Variants in LRRC17 observed in about 807,000 individuals in gnomAD.
LRRC17 encodes the protein leucine rich repeat containing 17.
A neutral mutation model predicts 41.5 loss-of-function variants in LRRC17; 33 were observed. The observed-to-expected ratio is 0.80, with a 90% CI of 0.60 to 1.06. The LOEUF (loss-of-function observed/expected upper bound fraction) is 1.06. Ranked by LOEUF, LRRC17 falls within the 50% of genes least tolerant of loss-of-function variation. The pLI is 0.00. For missense variants in LRRC17, 491 were observed against 519.3 expected (o/e 0.95, Z 0.53); for synonymous variants, 192 against 197.0 (o/e 0.97, Z 0.21).
chr7:102,914,083 C>T (rs1041958750), intron 1 of LRRC17, among the ~76,000 whole-genome samples: 5 of 152,116 alleles, frequency 3.3e-5, no homozygotes, highest in Non-Finnish European at 7.4e-5. Flanking sequence ...TTTTTTGAGA[C>T]GAAGTTTCGC....
chr7:102,931,324 T>C (rs975873885), intron 1 of LRRC17, among the ~76,000 whole-genome samples: 5 of 151,942 alleles, frequency 3.3e-5, no homozygotes, highest in African/African-American at 1.2e-4. Flanking sequence ...CAAGGTAGAG[T>C]AATATTAAAG....
intron 1 of LRRC17, among the ~76,000 whole-genome samples, chr7:102,915,521 C>A (rs1408053691): frequency 1.3e-5 from 2 of 152,038 alleles, no homozygotes; most frequent in Non-Finnish European, 2.9e-5. Flanking sequence ...TATTCAATTT[C>A]TTTAAATCCA....
Position 102,939,567 on chromosome 7 carries a change from A to AT in LRRC17, c.912dup (p.Glu305Ter). 6 of 1,613,674 alleles carry AT rather than the reference A, an allele frequency of 3.7e-6. No individual in the cohort carries two copies. The highest frequency in any genetic ancestry group is 5.1e-6 in the Non-Finnish European group (6 of 1,179,842). On this transcript the variant is annotated frameshift_variant, in exon 3 of 4. Transcript: ENST00000339431. LOFTEE classifies it high-confidence loss of function. ...GAAATTAAACCTCAGCAGCAATGGC[A>AT]TTGAATTCATCGATCCTGGTAAGTT...
At chr7:102,921,976 A>C (rs1817122529) in intron 1 of LRRC17, among the ~76,000 whole-genome samples, 1 of 152,116 alleles carries the variant, frequency 6.6e-6, no homozygotes, top group South Asian at 2.1e-4. Flanking sequence ...GGATCACTTG[A>C]GGTCAAGAGT....
At chr7:102,924,016 G>A (rs955533817) in intron 1 of LRRC17, among the ~76,000 whole-genome samples, 2 of 151,982 alleles carry the variant, frequency 1.3e-5, no homozygotes, top group African/African-American at 4.8e-5. Flanking sequence ...AAGGAGGGTG[G>A]ATCATCTAAG....
intron 1 of LRRC17, among the ~76,000 whole-genome samples, chr7:102,932,335 C>A (rs1046445339): frequency 6.6e-6 from 1 of 152,102 alleles, no homozygotes; most frequent in Non-Finnish European, 1.5e-5. Flanking sequence ...AAGAATTGTA[C>A]AATAAATATC....
At chr7:102,927,153 T>C (rs1818296951) in intron 1 of LRRC17, among the ~76,000 whole-genome samples, 1 of 152,230 alleles carries the variant, frequency 6.6e-6, no homozygotes, top group African/African-American at 2.4e-5. Flanking sequence ...TTGCAAGCTT[T>C]GACTGCAACA....
At chr7:102,928,656 TCCC>T in intron 1 of LRRC17, among the ~76,000 whole-genome samples, 1 of 152,306 alleles carries the variant, frequency 6.6e-6, no homozygotes, top group East Asian at 1.9e-4. Flanking sequence ...CAACTGAAGC[TCCC>T]TGAGGACAAG....
At chr7:102,923,609 T>A (rs1584957278) in intron 1 of LRRC17, among the ~76,000 whole-genome samples, 1 of 149,444 alleles carries the variant, frequency 6.7e-6, no homozygotes, top group Admixed American at 6.7e-5. Flanking sequence ...GATCACGAGG[T>A]CAGGAGTTCA....
chr7:102,932,012 C>A (rs1310940816), intron 1 of LRRC17: 5 of 1,291,076 alleles, frequency 3.9e-6, no homozygotes, highest in Non-Finnish European at 5.5e-6. Context: ...ACATTGAATG[C>A]AATGTATTCA....
At chr7:102,926,172 G>C (rs1818091862) in intron 1 of LRRC17, 4 of 854,718 alleles carry the variant, frequency 4.7e-6, no homozygotes, top group South Asian at 1.7e-5. Flanking sequence ...ACAGTGGTGG[G>C]GTGTTGATAA....
intron 3 of LRRC17, among the ~76,000 whole-genome samples, chr7:102,940,963 A>T (rs1224896275): frequency 6.6e-6 from 1 of 152,244 alleles, no homozygotes; most frequent in East Asian, 1.9e-4. Context: ...TCTTCATGAT[A>T]ATCTAATACC....
intron 1 of LRRC17, among the ~76,000 whole-genome samples, chr7:102,916,656 C>G (rs530650205): frequency 1.3e-5 from 2 of 152,254 alleles, no homozygotes; most frequent in South Asian, 4.1e-4. Flanking sequence ...GGCAAAGACG[C>G]GTGTCCCCTA....
At chr7:102,932,483 G>C (rs1021523219) in intron 1 of LRRC17, among the ~76,000 whole-genome samples, 1 of 9,198 alleles carries the variant, frequency 1.1e-4, no homozygotes, top group Non-Finnish European at 3.0e-4. Context: ...GCAGACACCA[G>C]TACACTTCCC....
intron 1 of LRRC17, among the ~76,000 whole-genome samples, chr7:102,920,859 G>GT (rs1244093605): frequency 6.6e-6 from 1 of 152,160 alleles, no homozygotes; most frequent in Non-Finnish European, 1.5e-5. Flanking sequence ...GTTGATAACA[G>GT]TTAAAAACTT....
At chr7:102,927,559 A>G (rs1340148144) in intron 1 of LRRC17, among the ~76,000 whole-genome samples, 1 of 152,216 alleles carries the variant, frequency 6.6e-6, no homozygotes, top group Non-Finnish European at 1.5e-5. Flanking sequence ...TCACACTCAG[A>G]TAGGAATTGG....
At chr7:102,922,291 T>A (rs1406670200) in intron 1 of LRRC17, among the ~76,000 whole-genome samples, 1 of 152,042 alleles carries the variant, frequency 6.6e-6, no homozygotes, top group African/African-American at 2.4e-5. Flanking sequence ...ACAATACTTA[T>A]CAAGTTATAC....
intron 1 of LRRC17, among the ~76,000 whole-genome samples, chr7:102,917,746 G>T (rs1399328880): frequency 6.6e-6 from 1 of 152,214 alleles, no homozygotes; most frequent in East Asian, 1.9e-4. Flanking sequence ...GACACTTCTT[G>T]TAGCGTGAGA....
intron 1 of LRRC17, among the ~76,000 whole-genome samples, chr7:102,916,790 A>AC (rs1815956645): frequency 7.8e-6 from 1 of 127,758 alleles, no homozygotes; most frequent in East Asian, 3.6e-4. Context: ...ACTGTTTCTT[A>AC]TGGGGGGGGG....
Sources: gnomAD v4.1 joint callset for allele counts (sites outside exome capture counted in the v4.1 genomes callset) on GRCh38, gnomAD v4.1.1 for gene constraint, MANE v1.5 for transcripts, NCBI Gene and HGNC (gene_info 2026-07-23, HGNC 2026-07-21) for gene names.